Variants in HHIPL1 observed in about 807,000 individuals in gnomAD.
HHIPL1 encodes the protein HHIP-like protein 1.
A neutral mutation model predicts 61.8 loss-of-function variants in HHIPL1; 43 were observed. The observed-to-expected ratio is 0.70, with a 90% CI of 0.55 to 0.90. The LOEUF (loss-of-function observed/expected upper bound fraction) is 0.90, where lower values mean the gene tolerates loss of function less well. Among genes scored for constraint, HHIPL1 ranks in the 40% least tolerant of loss-of-function variants. HHIPL1 has a pLI of 0.00. For missense variants in HHIPL1, 1,056 were observed against 1,157.7 expected, an observed-to-expected ratio of 0.91 and a Z score of 1.28; for synonymous variants, 482 against 515.8, an observed-to-expected ratio of 0.93 and a Z score of 0.89.
In HHIPL1 at chr14:99,660,510, T is replaced by C. The variant is rs910883395; in HGVS notation, c.1502+104T>C. 3 of 1,390,018 alleles carry C rather than the reference T, an allele frequency of 2.2e-6. No individual in the cohort carries two copies. Among genetic ancestry groups the C allele is most frequent in the African/African-American group, 2.9e-5 (2 of 69,556 alleles). 86.1% of individuals were successfully genotyped at this position (1,390,018 alleles called of 1,614,324 possible). A position where few individuals can be genotyped will look rare whatever the true frequency, so the allele number is the denominator to read the frequency against. On this transcript the variant is annotated intron_variant, in intron 5 of 8. Coordinates refer to ENST00000330710, the MANE Select transcript of HHIPL1 (RefSeq NM_001127258.3). The surrounding 1 kb of genome is among the most constrained non-coding windows in gnomAD (Gnocchi z 4.9). ...ATGTGTGCGCCCGTTCCTGCACATG[T>C]GCCTCGCTGCTCTGACAGGGGCCCC...
the HHIPL1 span, among the ~76,000 whole-genome samples, chr14:99,630,037 T>C: frequency 6.6e-6 from 1 of 152,136 alleles, no homozygotes; most frequent in Non-Finnish European, 1.5e-5. Context: ...AAAAACTCTC[T>C]CTCTATGAGT....
chr14:99,669,294 T>C (rs1028840852), intron 7 of HHIPL1: 1 of 1,029,192 alleles, frequency 9.7e-7, no homozygotes, highest in Non-Finnish European at 1.2e-6. Context: ...TCTCAGCCCT[T>C]AGATTTTCGC....
chr14:99,629,009 C>T, the HHIPL1 span, among the ~76,000 whole-genome samples: 2 of 152,322 alleles, frequency 1.3e-5, no homozygotes, highest in South Asian at 2.1e-4. Context: ...GCAAGACCGG[C>T]GGCACCAAGG....
the HHIPL1 span, among the ~76,000 whole-genome samples, chr14:99,630,292 A>C: frequency 9.1e-4 from 138 of 152,336 alleles, no homozygotes; most frequent in Non-Finnish European, 1.5e-3. Context: ...GTTAATAACA[A>C]GGGAGAGGAA....
chr14:99,647,691 C>T (rs536533736), intron 1 of HHIPL1, among the ~76,000 whole-genome samples: 2 of 152,352 alleles, frequency 1.3e-5, no homozygotes, highest in African/African-American at 2.4e-5. Context: ...GGACCATGCT[C>T]TCTGCTAGCC....
upstream of HHIPL1, among the ~76,000 whole-genome samples, chr14:99,642,541 T>C (rs77630688): frequency 5.9e-3 from 867 of 146,062 alleles, 9 homozygotes; most frequent in African/African-American, 0.02. Context: ...TTTTTTTTTT[T>C]CTGAGACGGA....
the HHIPL1 span, among the ~76,000 whole-genome samples, chr14:99,614,280 C>A: frequency 6.6e-5 from 10 of 152,254 alleles, no homozygotes; most frequent in African/African-American, 2.4e-4. Flanking sequence ...TCTTCCTGAG[C>A]GTCTGAAAAC....
At chr14:99,646,109 C>A (rs1236517303) in intron 1 of HHIPL1, among the ~76,000 whole-genome samples, 1 of 152,252 alleles carries the variant, frequency 6.6e-6, no homozygotes, top group Non-Finnish European at 1.5e-5. Flanking sequence ...GCCCCTGGGC[C>A]CCCCATCTTC....
chr14:99,656,927 G>A (rs1196953251), intron 2 of HHIPL1, 73 bp from the exon 3 acceptor site: 2 of 1,279,266 alleles, frequency 1.6e-6, no homozygotes, highest in Non-Finnish European at 2.1e-6. Flanking sequence ...CATCCAAGGA[G>A]ACCGTGATCT....
intron 6 of HHIPL1, among the ~76,000 whole-genome samples, chr14:99,665,285 C>T (rs1242524412): frequency 1.3e-5 from 2 of 152,112 alleles, no homozygotes; most frequent in East Asian, 3.8e-4. Context: ...ACAAAAAGGT[C>T]CTGACCTTAT....
At chr14:99,653,364 A>T (rs1219971543) in intron 2 of HHIPL1, among the ~76,000 whole-genome samples, 1 of 135,938 alleles carries the variant, frequency 7.4e-6, no homozygotes. Context: ...ATGGAGTCTC[A>T]CTCTGTTGCC....
intron 7 of HHIPL1, among the ~76,000 whole-genome samples, chr14:99,671,004 A>G (rs1186623473): frequency 6.6e-6 from 1 of 152,122 alleles, no homozygotes; most frequent in Non-Finnish European, 1.5e-5. Flanking sequence ...CATGTCATAG[A>G]GAGGGACCCC....
Position 99,680,289 on chromosome 14 carries a change from A to T in HHIPL1, c.*4663A>T, listed in dbSNP as rs2056427636. ...TTCCTGCTGGGAAACCACTCCTCGT[A>T]TGGTGTCATCTACACCAGTGGGTTT... is the stretch of plus-strand genomic sequence containing the variant. On this transcript the variant is annotated 3_prime_UTR_variant, in exon 9 of 9. Coordinates refer to ENST00000330710, the MANE Select transcript of HHIPL1 (RefSeq NM_001127258.3). 1 of 152,000 alleles carries T rather than the reference A, an allele frequency of 6.6e-6. No homozygotes were observed. Among genetic ancestry groups the T allele is most frequent in the South Asian group, 2.1e-4 (1 of 4,818 alleles). The allele number at this position is 152,000 out of a possible 1,614,324, so 9.4% of individuals were successfully genotyped here.
In HHIPL1 at chr14:99,645,329, A is replaced by C. The variant is rs776085652; in HGVS notation, c.122A>C (p.Gln41Pro). The C allele has an allele frequency of 6.9e-7, 1 of 1,459,328 alleles. No individual in the cohort carries two copies. The highest frequency in any genetic ancestry group is 2.5e-5 in the Admixed American group (1 of 39,774). The allele number at this position is 1,459,328 out of a possible 1,614,324, so 90.4% of individuals were successfully genotyped here. The change falls in exon 1 of 9, where the codon CAG becomes CCG. Residue 41 changes from glutamine to proline, a missense_variant. Coordinates refer to ENST00000330710, the MANE Select transcript of HHIPL1 (RefSeq NM_001127258.3). ...ACGCAGCCGCTGCGCCTCTGCGCGC[A>C]GTACTCGGACTTCGGCTGCTGCGAT... ...RPTQPLRLCA[Q>P]YSDFGCCDEG... is the part of the protein sequence containing the mutation.
the HHIPL1 span, among the ~76,000 whole-genome samples, chr14:99,621,564 A>T: frequency 1.3e-5 from 2 of 151,156 alleles, no homozygotes; most frequent in Middle Eastern, 3.2e-3. Flanking sequence ...GCACTGGCTG[A>T]CTCCTCCCAA....
upstream of HHIPL1, chr14:99,645,100 C>T: frequency 9.9e-7 from 1 of 1,005,844 alleles, no homozygotes; most frequent in Non-Finnish European, 1.3e-6. Context: ...AAACTCGAGG[C>T]CCTGCGTGTA....
chr14:99,646,787 AATATAATATGATATGATATGATATG>A (rs1271007789), intron 1 of HHIPL1, among the ~76,000 whole-genome samples: 5 of 134,332 alleles, frequency 3.7e-5, no homozygotes, highest in East Asian at 2.1e-4. Context: ...AATATAATAT[AATATAATATGATATGATATGATATG>A]ATATGATATG....
intron 6 of HHIPL1, among the ~76,000 whole-genome samples, chr14:99,665,176 G>A (rs567792383): frequency 1.3e-5 from 2 of 152,246 alleles, no homozygotes; most frequent in South Asian, 4.1e-4. Flanking sequence ...ACCCCAAAGT[G>A]CTGAGATTAC....
the HHIPL1 span, among the ~76,000 whole-genome samples, chr14:99,634,332 C>T: frequency 6.6e-6 from 1 of 152,108 alleles, no homozygotes; most frequent in Non-Finnish European, 1.5e-5. Context: ...TCTTCTCCAC[C>T]CAGATGAGGA....
Sources: gnomAD v4.1 joint callset for allele counts (sites outside exome capture counted in the v4.1 genomes callset) on GRCh38, gnomAD v4.1.1 for gene constraint, Gnocchi (gnomAD v3.1) non-coding constraint, MANE v1.5 for transcripts, NCBI Gene and HGNC (gene_info 2026-07-23, HGNC 2026-07-21) for gene names.